The following PDLIM5 variants were observed in gnomAD, a reference collection of about 807,000 sequenced individuals.
PDLIM5 encodes the protein PDZ and LIM domain protein 5.
In PDLIM5, 34 loss-of-function variants were observed where a neutral mutation model predicts 64.2. The ratio of observed to expected loss-of-function variants is 0.53; its 90% confidence interval spans 0.40 to 0.71. PDLIM5 has a LOEUF of 0.71. Ranked by LOEUF, PDLIM5 falls within the 30% of genes least tolerant of loss-of-function variation. The pLI, the probability that PDLIM5 is intolerant of heterozygous loss-of-function variation, is 0.00. For missense variants in PDLIM5, 683 were observed against 733.6 expected (o/e 0.93, Z 0.80); for synonymous variants, 253 against 269.1 (o/e 0.94, Z 0.59).
chr4:94,609,814 G>A (rs776855512), intron 7 of PDLIM5, among the ~76,000 whole-genome samples: 10 of 152,142 alleles, frequency 6.6e-5, no homozygotes, highest in Non-Finnish European at 1.0e-4. Flanking sequence ...TAGAAATTCA[G>A]ACTTCACGTT....
intron 7 of PDLIM5, among the ~76,000 whole-genome samples, chr4:94,595,428 C>A (rs1441154283): frequency 6.6e-6 from 1 of 152,224 alleles, no homozygotes; most frequent in Non-Finnish European, 1.5e-5. Flanking sequence ...AAACCGTCTT[C>A]TTGTAGGCTA....
chr4:94,665,771 A>G lies in PDLIM5; in HGVS notation c.*1704A>G, dbSNP rs1335304777. ...TGAGACTTTTTGTGGTTTTCTCTCA[A>G]TAATAAGTGAACCAATTTCAAATGT... On this transcript the variant is annotated 3_prime_UTR_variant, in exon 13 of 13. Coordinates refer to ENST00000317968, the MANE Select transcript of PDLIM5 (RefSeq NM_006457.5). 2.8e-5 allele frequency: 35 copies of G among 1,263,552 alleles called. No individual in the cohort carries two copies. Among genetic ancestry groups the G allele is most frequent in the Non-Finnish European group, 3.5e-5 (35 of 1,006,268 alleles). The allele number at this position is 1,263,552 out of a possible 1,614,324, so 78.3% of individuals were successfully genotyped here.
chr4:94,662,575 T>G lies in PDLIM5; in HGVS notation c.1701+38T>G, dbSNP rs771393587. On this transcript the variant is annotated intron_variant, in intron 12 of 12. Coordinates refer to ENST00000317968, the MANE Select transcript of PDLIM5 (RefSeq NM_006457.5). ...TTATTTCCTAATTAAAGGGGTATAG[T>G]ATGGCCAATTCTAGCTTTAGTATTT... 7 of 891,074 alleles carry G rather than the reference T, an allele frequency of 7.9e-6. No homozygotes were observed. The Middle Eastern group carries it at 6.5e-4, about 83-fold the overall frequency. The allele number at this position is 891,074 out of a possible 1,614,324, so 55.2% of individuals were successfully genotyped here. A position where few individuals can be genotyped will look rare whatever the true frequency, so the allele number is the denominator to read the frequency against.
chr4:94,620,754 A>G (rs890910495), intron 8 of PDLIM5, among the ~76,000 whole-genome samples: 1 of 151,930 alleles, frequency 6.6e-6, no homozygotes, highest in Non-Finnish European at 1.5e-5. Flanking sequence ...CATGTCACTA[A>G]TTTTGCTAAG....
At chr4:94,579,828 G>C (rs1735594761) in intron 5 of PDLIM5, among the ~76,000 whole-genome samples, 1 of 152,106 alleles carries the variant, frequency 6.6e-6, no homozygotes, top group African/African-American at 2.4e-5. Context: ...AGTCAAGACT[G>C]GTAGAACACA....
chr4:94,539,789 T>C (rs1039672891), intron 3 of PDLIM5, among the ~76,000 whole-genome samples: 6 of 152,142 alleles, frequency 3.9e-5, no homozygotes, highest in African/African-American at 9.7e-5. Context: ...GAGCACAGCT[T>C]AAGCAAAGGT....
intron 7 of PDLIM5, among the ~76,000 whole-genome samples, chr4:94,592,683 A>G (rs1340353045): frequency 2.0e-5 from 3 of 152,142 alleles, no homozygotes; most frequent in Non-Finnish European, 4.4e-5. Flanking sequence ...GCTAGAGTGC[A>G]GTGGCGCCAT....
intron 9 of PDLIM5, among the ~76,000 whole-genome samples, chr4:94,646,632 G>T (rs1719486911): frequency 6.6e-6 from 1 of 152,138 alleles, no homozygotes; most frequent in Non-Finnish European, 1.5e-5. Flanking sequence ...GAGAGGTAAG[G>T]ATTATCCAAC....
intron 8 of PDLIM5, among the ~76,000 whole-genome samples, chr4:94,639,082 CT>C (rs1740796618): frequency 6.6e-6 from 1 of 151,998 alleles, no homozygotes; most frequent in South Asian, 2.1e-4. Context: ...TGGGCTGAGA[CT>C]TAAACAATAA....
intron 8 of PDLIM5, among the ~76,000 whole-genome samples, chr4:94,636,432 T>A (rs1175466158): frequency 1.4e-5 from 2 of 145,124 alleles, no homozygotes; most frequent in Non-Finnish European, 3.0e-5. Flanking sequence ...AAAAAAAAAA[T>A]TGGGAATCTT....
intron 2 of PDLIM5, among the ~76,000 whole-genome samples, chr4:94,513,058 G>GT (rs1362864658): frequency 6.6e-6 from 1 of 152,060 alleles, no homozygotes; most frequent in African/African-American, 2.4e-5. Flanking sequence ...ATGTGGATTT[G>GT]TTTCCGGATT....
intron 2 of PDLIM5, among the ~76,000 whole-genome samples, chr4:94,495,735 G>A (rs191954379): frequency 1.3e-5 from 2 of 152,194 alleles, no homozygotes; most frequent in African/African-American, 4.8e-5. Flanking sequence ...TGCTTTCCAG[G>A]GGGGTACACA....
At chr4:94,557,313 G>T (rs1313709048) in intron 3 of PDLIM5, among the ~76,000 whole-genome samples, 2 of 152,144 alleles carry the variant, frequency 1.3e-5, no homozygotes, top group Non-Finnish European at 2.9e-5. Flanking sequence ...CTATAGCCTT[G>T]TAGTATAGTT....
intron 12 of PDLIM5, among the ~76,000 whole-genome samples, chr4:94,663,056 A>G (rs1462175115): frequency 2.0e-5 from 3 of 152,148 alleles, no homozygotes; most frequent in Admixed American, 2.0e-4. Context: ...TGATATTTTA[A>G]TATTTTTGGT....
intron 3 of PDLIM5, among the ~76,000 whole-genome samples, chr4:94,572,960 T>C (rs977875497): frequency 6.6e-5 from 10 of 152,184 alleles, no homozygotes; most frequent in African/African-American, 2.4e-4. Flanking sequence ...CTGTTGGAGA[T>C]AGGAGTCAGA....
rs149169273 is a variant in PDLIM5 at position 94,623,793 on chromosome 4, C to T, written c.1108+5602C>T. On this transcript the variant is annotated intron_variant, in intron 8 of 12. Coordinates refer to ENST00000317968, the MANE Select transcript of PDLIM5 (RefSeq NM_006457.5). ...CCTCCTGCCAAACTTGAAATTCCCACAACAGTCATTGAAAAGGTGGGAGCA... is the reference window on the plus strand; with the variant it reads ...CCTCCTGCCAAACTTGAAATTCCCATAACAGTCATTGAAAAGGTGGGAGCA... Among the ~76,000 whole-genome samples the T allele has an allele frequency of 2.5e-3, 386 of 152,208 alleles. 5 individuals carry two copies. Among genetic ancestry groups the T allele is most frequent in the African/African-American group, 8.8e-3 (364 of 41,542 alleles).
chr4:94,662,923 T>C (rs1742857541), intron 12 of PDLIM5, among the ~76,000 whole-genome samples: 3 of 152,058 alleles, frequency 2.0e-5, no homozygotes, highest in Non-Finnish European at 4.4e-5. Flanking sequence ...AATCGGCTAT[T>C]GGATTAACAC....
At chr4:94,522,905 G>C (rs541687141) in intron 2 of PDLIM5, among the ~76,000 whole-genome samples, 1 of 151,988 alleles carries the variant, frequency 6.6e-6, no homozygotes, top group Non-Finnish European at 1.5e-5. Context: ...AATTTGAATG[G>C]TTTCTTTAAT....
intron 11 of PDLIM5, among the ~76,000 whole-genome samples, chr4:94,657,895 A>G (rs1216074283): frequency 6.6e-6 from 1 of 152,050 alleles, no homozygotes; most frequent in African/African-American, 2.4e-5. Flanking sequence ...TAGTAGAGAC[A>G]GGGTTTCGTC....
Sources: gnomAD v4.1 joint callset for allele counts (sites outside exome capture counted in the v4.1 genomes callset) on GRCh38, gnomAD v4.1.1 for gene constraint, MANE v1.5 for transcripts, NCBI Gene and HGNC (gene_info 2026-07-23, HGNC 2026-07-21) for gene names.